The following WARS2 variants were observed in gnomAD, a reference collection of about 807,000 sequenced individuals.
WARS2 encodes the protein tryptophanyl tRNA synthetase 2, mitochondrial.
In WARS2, 28 loss-of-function variants were observed where a neutral mutation model predicts 36.5. The ratio of observed to expected loss-of-function variants is 0.77; its 90% CI spans 0.57 to 1.05. The LOEUF is 1.05. Among genes scored for constraint, WARS2 ranks in the 50% least tolerant of loss-of-function variants. The pLI is 0.00. For synonymous variants in WARS2, 174 were observed against 178.4 expected (o/e 0.98, Z 0.20); for missense variants, 435 against 456.8 (o/e 0.95, Z 0.44).
chr1:119,139,569 T>A (rs1168922712), intron 1 of WARS2: 1 of 152,248 alleles, frequency 6.6e-6, no homozygotes, highest in Non-Finnish European at 1.5e-5. Flanking sequence ...AGCTGTCAAG[T>A]GGCAGACCAA....
At chr1:119,092,344 C>A (rs1316051778) in intron 1 of WARS2, among the ~76,000 whole-genome samples, 1 of 152,122 alleles carries the variant, frequency 6.6e-6, no homozygotes, top group Admixed American at 6.6e-5. Flanking sequence ...CATGTTTTAC[C>A]ATAGCTGCAT....
intron 2 of WARS2, among the ~76,000 whole-genome samples, chr1:119,058,244 T>C (rs1650008126): frequency 6.6e-6 from 1 of 152,100 alleles, no homozygotes; most frequent in Non-Finnish European, 1.5e-5. Context: ...CTGAACTGCT[T>C]TGAACCCTTC....
At chr1:119,123,752 A>G (rs1490469760) in intron 1 of WARS2, among the ~76,000 whole-genome samples, 1 of 152,054 alleles carries the variant, frequency 6.6e-6, no homozygotes, top group Non-Finnish European at 1.5e-5. Flanking sequence ...TTAATGTTGG[A>G]ATGTTCACAG....
intron 1 of WARS2, among the ~76,000 whole-genome samples, chr1:119,093,398 T>C (rs991233318): frequency 3.3e-5 from 5 of 151,354 alleles, no homozygotes; most frequent in African/African-American, 4.9e-5. Flanking sequence ...CCAAAATTCA[T>C]GTCTACCTAG....
intron 3 of WARS2, among the ~76,000 whole-genome samples, chr1:119,044,726 C>G (rs1298537617): frequency 6.6e-6 from 1 of 152,108 alleles, no homozygotes; most frequent in Non-Finnish European, 1.5e-5. Flanking sequence ...TCTCTAGGGC[C>G]TCTTTAACAA....
At chr1:119,098,516 C>A (rs1186483777) in intron 1 of WARS2, among the ~76,000 whole-genome samples, 1 of 152,028 alleles carries the variant, frequency 6.6e-6, no homozygotes, top group Non-Finnish European at 1.5e-5. Flanking sequence ...CGGCTCACTG[C>A]AACCTCTGCC....
At chr1:119,128,834 C>T (rs761186034) in intron 1 of WARS2, among the ~76,000 whole-genome samples, 44 of 152,024 alleles carry the variant, frequency 2.9e-4, no homozygotes, top group Non-Finnish European at 5.4e-4. Flanking sequence ...GTCATGGAAG[C>T]CTGACCAAAA....
chr1:119,057,584 G>A (rs1312787649), intron 2 of WARS2, among the ~76,000 whole-genome samples: 1 of 149,622 alleles, frequency 6.7e-6, no homozygotes, highest in East Asian at 2.1e-4. Context: ...GAGGTCAGGA[G>A]TTCAAGACCA....
chr1:119,109,028 C>T (rs979857538), intron 1 of WARS2, among the ~76,000 whole-genome samples: 2 of 151,884 alleles, frequency 1.3e-5, no homozygotes, highest in Non-Finnish European at 2.9e-5. Context: ...GATTTTCCAG[C>T]ATCTTTCTGT....
chr1:119,125,404 A>G (rs1364368030), intron 1 of WARS2, among the ~76,000 whole-genome samples: 2 of 152,306 alleles, frequency 1.3e-5, no homozygotes, highest in Admixed American at 6.5e-5. Context: ...CTAACATACT[A>G]TATATCTTAA....
At chr1:119,087,793 T>C (rs1024076857) in intron 1 of WARS2, among the ~76,000 whole-genome samples, 3 of 152,198 alleles carry the variant, frequency 2.0e-5, no homozygotes, top group Non-Finnish European at 4.4e-5. Context: ...GCCTTTCTTA[T>C]TGATATTGTA....
intron 1 of WARS2, 74 bp from the exon 2 acceptor site, chr1:119,076,681 C>A: frequency 6.4e-7 from 1 of 1,566,128 alleles, no homozygotes; most frequent in Non-Finnish European, 8.6e-7. Flanking sequence ...GTTATCATAG[C>A]TATGGGAGCT....
intron 2 of WARS2, among the ~76,000 whole-genome samples, chr1:119,067,123 T>C (rs1232251409): frequency 2.3e-5 from 3 of 129,898 alleles, no homozygotes; most frequent in South Asian, 2.3e-4. Flanking sequence ...CATGTAACAT[T>C]GTACACAAAA....
chr1:119,131,944 T>C (rs1455556280), intron 1 of WARS2, among the ~76,000 whole-genome samples: 1 of 151,952 alleles, frequency 6.6e-6, no homozygotes, highest in East Asian at 1.9e-4. Flanking sequence ...AGAATCCTAC[T>C]AAGAGTGATA....
chr1:119,092,448 G>C (rs1653112479), intron 1 of WARS2, among the ~76,000 whole-genome samples: 1 of 152,142 alleles, frequency 6.6e-6, no homozygotes, highest in African/African-American at 2.4e-5. Context: ...ACTATCACCT[G>C]TCTTACTTCC....
intron 3 of WARS2, among the ~76,000 whole-genome samples, chr1:119,042,689 A>G (rs1258376735): frequency 6.6e-6 from 1 of 152,138 alleles, no homozygotes; most frequent in Admixed American, 6.5e-5. Flanking sequence ...AAGGCCACAA[A>G]CCGTCATGAA....
At chr1:119,052,268 T>A (rs952284649) in intron 2 of WARS2, among the ~76,000 whole-genome samples, 2 of 152,208 alleles carry the variant, frequency 1.3e-5, no homozygotes, top group African/African-American at 4.8e-5. Flanking sequence ...TTTTTTCGCA[T>A]GTAAATGTTA....
At chr1:119,111,088 A>C (rs1245066778) in intron 1 of WARS2, among the ~76,000 whole-genome samples, 1 of 152,184 alleles carries the variant, frequency 6.6e-6, no homozygotes, top group Non-Finnish European at 1.5e-5. Flanking sequence ...ATAGTCAAAA[A>C]AAATTCCTGG....
At position 119,131,708 on chromosome 1, in the gene WARS2, G is replaced by C. The variant is rs1033088442; in HGVS notation, c.90+8847C>G. ...GATCTCCTGACCTCGTGATCTGCCC[G>C]CCTCGGCCTCCCAAAGTGCTGGGAT... On this transcript the variant is annotated intron_variant, in intron 1 of 5. Coordinates refer to ENST00000235521, the MANE Select transcript of WARS2 (RefSeq NM_015836.4). Among the ~76,000 whole-genome samples, 10 of 151,990 alleles carry C rather than the reference G, an allele frequency of 6.6e-5. No homozygotes were observed. The East Asian group carries it at 1.9e-3, about 29-fold the overall frequency.
Sources: gnomAD v4.1 joint callset for allele counts (sites outside exome capture counted in the v4.1 genomes callset) on GRCh38, gnomAD v4.1.1 for gene constraint, MANE v1.5 for transcripts, NCBI Gene and HGNC (gene_info 2026-07-23, HGNC 2026-07-21) for gene names.